Variants in WFDC3 observed in about 807,000 individuals in gnomAD.
WFDC3 encodes WAP four-disulfide core domain protein 3.
WFDC3 carries 15 observed loss-of-function variants against 25.8 expected under a neutral mutation model. The ratio of observed to expected loss-of-function variants is 0.58; its 90% CI spans 0.39 to 0.89. The LOEUF is 0.89. Among genes scored for constraint, WFDC3 ranks in the 40% least tolerant of loss-of-function variants. The pLI is 0.00. For missense variants in WFDC3, 264 were observed against 289.8 expected (o/e 0.91, Z 0.65); for synonymous variants, 103 against 107.1 (o/e 0.96, Z 0.24).
intron 3 of WFDC3, 62 bp from the exon 4 acceptor site, chr20:45,788,044 C>T (rs1980769463): frequency 6.5e-7 from 1 of 1,548,094 alleles, no homozygotes; most frequent in Non-Finnish European, 8.7e-7. Context: ...TGGCTCACAC[C>T]TGTAATCCCA....
chr20:45,785,910 A>G (rs2145688310), intron 4 of WFDC3, among the ~76,000 whole-genome samples: 1 of 151,936 alleles, frequency 6.6e-6, no homozygotes, highest in Middle Eastern at 3.4e-3. Context: ...TCTCCCTCCC[A>G]TTTCTACTCT....
chr20:45,784,351 G>C (rs1454208637), intron 4 of WFDC3, among the ~76,000 whole-genome samples: 1 of 152,222 alleles, frequency 6.6e-6, no homozygotes, highest in Non-Finnish European at 1.5e-5. Flanking sequence ...TGACTGGAAG[G>C]AAAAAGGTTG....
chr20:45,777,209 G>A lies in WFDC3; in HGVS notation c.359C>T (p.Ala120Val). ...AGCGGGACATTCACCACCAAACTCTGCTACATAATCAAAGCATTGGAGCCC... is the reference window on the plus strand; with the variant it reads ...AGCGGGACATTCACCACCAAACTCTACTACATAATCAAAGCATTGGAGCCC... ...CVVPISKQKL[A>V]EFGGECPADP... The change falls in exon 5 of 7, where the codon GCA (alanine) becomes GTA (valine). Residue 120 changes from alanine (A) to valine (V), a missense_variant and splice_region_variant. Ala to Val is a moderately conservative substitution (Grantham distance 64, BLOSUM62 0). Coordinates refer to ENST00000243938, the MANE Select transcript of WFDC3 (RefSeq NM_080614.2). The A allele has an allele frequency of 6.5e-7, 1 of 1,537,336 alleles. No individual in the cohort carries two copies. The highest frequency in any genetic ancestry group is 1.4e-5 in the African/African-American group (1 of 71,806).
intron 4 of WFDC3, among the ~76,000 whole-genome samples, chr20:45,787,093 C>CAAAA (rs71181858): frequency 1.5e-3 from 41 of 26,810 alleles, no homozygotes; most frequent in Non-Finnish European, 2.1e-3. Flanking sequence ...GACTCTCTCT[C>CAAAA]AAAAAAAAAA....
chr20:45,789,505 C>A (rs1328068728), intron 2 of WFDC3, among the ~76,000 whole-genome samples: 72 of 134,860 alleles, frequency 5.3e-4, no homozygotes, highest in Admixed American at 8.9e-4. Flanking sequence ...GACTCCATCT[C>A]AAAAAAAAAA....
intron 4 of WFDC3, among the ~76,000 whole-genome samples, chr20:45,786,472 A>G (rs936315080): frequency 1.3e-5 from 2 of 152,210 alleles, no homozygotes; most frequent in African/African-American, 4.8e-5. Flanking sequence ...CCCTGTCCTT[A>G]TCAGAGTTTG....
At chr20:45,781,852 C>A (rs898590491) in intron 4 of WFDC3, among the ~76,000 whole-genome samples, 1 of 152,124 alleles carries the variant, frequency 6.6e-6, no homozygotes, top group Non-Finnish European at 1.5e-5. Flanking sequence ...CCCACAAAAT[C>A]CAAGTTCCCA....
Position 45,775,582 on chromosome 20 carries a change from T to C in WFDC3, c.514A>G (p.Lys172Glu), listed in dbSNP as rs1310644344. 1 of 1,614,008 alleles carries C rather than the reference T, an allele frequency of 6.2e-7. No homozygotes were observed. The highest frequency in any genetic ancestry group is 1.3e-5 in the African/African-American group (1 of 74,908). Residue 172 changes from lysine (K) to glutamate (E), a missense_variant, in exon 6 of 7, where the codon AAA (lysine) becomes GAA (glutamate). Transcript: ENST00000243938. ...IEGGRGGDCPKVLVGLCIVGC... is the reference protein window; with the variant it reads ...IEGGRGGDCPEVLVGLCIVGC... ...ACAATGCACAGGCCCACCAGAACTT[T>C]TGGACAATCACCGCCCCGCCCTGTG...
intron 6 of WFDC3, among the ~76,000 whole-genome samples, chr20:45,775,066 T>G (rs1171929108): frequency 1.3e-5 from 2 of 152,164 alleles, no homozygotes. Flanking sequence ...ATCACCAGAT[T>G]GCCTATCTGG....
At position 45,777,074 on chromosome 20, in the gene WFDC3, C is replaced by T. The variant is rs754290812; in HGVS notation, c.493+1G>A. The T allele has an allele frequency of 1.2e-6, 2 of 1,612,804 alleles. No individual in the cohort carries two copies. The highest frequency in any genetic ancestry group is 4.5e-5 in the East Asian group (2 of 44,820). ...ATTTCTTCCCAAAAGAGCCAACATA[C>T]CTCCCTCAATGTCTCCGAGGCAGGT... On this transcript the variant is annotated splice_donor_variant, in intron 5 of 6. Transcript: ENST00000243938. LOFTEE classifies it high-confidence loss of function.
intron 4 of WFDC3, among the ~76,000 whole-genome samples, chr20:45,784,638 G>C (rs1980590713): frequency 1.3e-5 from 2 of 152,206 alleles, no homozygotes; most frequent in South Asian, 4.1e-4. Context: ...CTACTTGGGA[G>C]GCTGAGGCAG....
chr20:45,779,743 C>G (rs1980355087), intron 4 of WFDC3: 1 of 152,104 alleles, frequency 6.6e-6, no homozygotes. Flanking sequence ...CCATACGTCC[C>G]AGATTTCACC....
chr20:45,791,451 C>T (rs941037227), intron 1 of WFDC3, among the ~76,000 whole-genome samples: 2 of 151,766 alleles, frequency 1.3e-5, no homozygotes, highest in Non-Finnish European at 2.9e-5. Context: ...TGCCCACCAC[C>T]ACGCCCGGCT....
At chr20:45,788,388 T>C (rs1298398882) in intron 3 of WFDC3, 3 of 159,580 alleles carry the variant, frequency 1.9e-5, no homozygotes, top group African/African-American at 7.2e-5. Flanking sequence ...AAAAAGGAAG[T>C]CCTGAGATTT....
chr20:45,777,852 T>A (rs1325436163), intron 4 of WFDC3, among the ~76,000 whole-genome samples: 1 of 151,426 alleles, frequency 6.6e-6, no homozygotes, highest in Non-Finnish European at 1.5e-5. Flanking sequence ...AGTTCTTATT[T>A]TTCCTAATTA....
At chr20:45,788,026 G>T in intron 3 of WFDC3, 44 bp from the exon 4 acceptor site, 1 of 1,590,604 alleles carries the variant, frequency 6.3e-7, no homozygotes, top group Middle Eastern at 1.7e-4. Context: ...AAAATAGGCC[G>T]AGCGCCATGG....
intron 4 of WFDC3, among the ~76,000 whole-genome samples, chr20:45,778,202 GC>G: frequency 6.6e-6 from 1 of 152,288 alleles, no homozygotes; most frequent in East Asian, 1.9e-4. Flanking sequence ...ATGATGAGAT[GC>G]CCCATGGAGA....
chr20:45,774,728 G>T (rs1299886757), intron 6 of WFDC3, among the ~76,000 whole-genome samples: 1 of 152,118 alleles, frequency 6.6e-6, no homozygotes, highest in African/African-American at 2.4e-5. Context: ...GATAACCTGA[G>T]ATCAGGAGCT....
rs6017691 is a variant in WFDC3, at chr20:45,775,732, G to A, written c.494-130C>T. 3.6e-3 allele frequency: 4,208 copies of A among 1,184,538 alleles called. 115 individuals are homozygous for A. In the African/African-American group the frequency reaches 0.058, roughly 16 times the overall value. 73.4% of individuals were successfully genotyped at this position (1,184,538 alleles called of 1,614,324 possible). A position where few individuals can be genotyped will look rare whatever the true frequency, so the allele number is the denominator to read the frequency against. ...GACCCTCACTAGACCCAACTAAACT[G>A]GCTGGGAAACCATGGCGCTGGAGGA... On this transcript the variant is annotated intron_variant, in intron 5 of 6. Transcript: ENST00000243938.
Sources: allele counts gnomAD v4.1 joint callset (sites outside exome capture counted in the v4.1 genomes callset), GRCh38; gene constraint gnomAD v4.1.1; transcripts MANE v1.5; gene names NCBI Gene and HGNC (gene_info 2026-07-23, HGNC 2026-07-21).